GABBR2: variants seen among roughly 807,000 people sequenced by gnomAD.
The protein encoded by GABBR2 is G-protein coupled receptor 51.
In GABBR2, 23 loss-of-function variants were observed where a neutral mutation model predicts 105.6. The observed-to-expected ratio is 0.22, with a 90% confidence interval of 0.16 to 0.31. GABBR2 has a LOEUF of 0.31. GABBR2 is among the 10% of genes least tolerant of loss of function. The probability of loss-of-function intolerance (pLI) is 1.00; values close to 1 mark genes in which losing one functional copy is unlikely to be tolerated. For synonymous variants in GABBR2, 478 were observed against 499.7 expected, an observed-to-expected ratio of 0.96 and a Z score of 0.58; for missense variants, 734 against 1,245.5, an observed-to-expected ratio of 0.59 and a Z score of 6.18.
intron 11 of GABBR2, among the ~76,000 whole-genome samples, chr9:98,380,662 G>T (rs549393415): frequency 4.6e-5 from 7 of 152,350 alleles, no homozygotes; most frequent in African/African-American, 1.7e-4. Flanking sequence ...CTGTTCTCAA[G>T]ACTTGGAGAA....
intron 12 of GABBR2, among the ~76,000 whole-genome samples, chr9:98,365,262 T>C (rs1449243656): frequency 3.3e-5 from 5 of 152,156 alleles, no homozygotes; most frequent in African/African-American, 1.2e-4. Context: ...TAAAATGAGA[T>C]GAGGTATGGA....
At position 98,505,775 on chromosome 9, in the gene GABBR2, A is replaced by G. The variant is rs1827497981; in HGVS notation, c.631-9261T>C. Among the ~76,000 whole-genome samples, 6 of 152,236 alleles carry G rather than the reference A, an allele frequency of 3.9e-5. 1 individual carries two copies. The South Asian group carries it at 1.2e-3, about 32-fold the overall frequency. On this transcript the variant is annotated intron_variant, in intron 3 of 18. Coordinates refer to ENST00000259455, the MANE Select transcript of GABBR2 (RefSeq NM_005458.8). The stretch of plus-strand genomic sequence containing the variant: ...CCGGCAAGGAGCACCTGGAGCCACC[A>G]GAAGCTGGGAGATGCAGGCAAGGAT...
intron 3 of GABBR2, among the ~76,000 whole-genome samples, chr9:98,510,519 G>T (rs992647042): frequency 7.9e-5 from 12 of 151,890 alleles, no homozygotes; most frequent in African/African-American, 2.9e-4. Flanking sequence ...CTGTATTCAG[G>T]AAACCCATCT....
At chr9:98,384,136 AGGCAGGGGACTG>A (rs1348795837) in intron 11 of GABBR2, among the ~76,000 whole-genome samples, 5 of 152,244 alleles carry the variant, frequency 3.3e-5, no homozygotes, top group Non-Finnish European at 7.3e-5. Flanking sequence ...CTGGTCTTCC[AGGCAGGGGACTG>A]GATGAATTAC....
At chr9:98,423,744 A>C (rs1832825888) in intron 7 of GABBR2, among the ~76,000 whole-genome samples, 1 of 152,214 alleles carries the variant, frequency 6.6e-6, no homozygotes, top group South Asian at 2.1e-4. Context: ...TTTAGGTGTA[A>C]CGTTTAAGTC....
intron 6 of GABBR2, among the ~76,000 whole-genome samples, chr9:98,458,521 T>C (rs1826364857): frequency 6.6e-6 from 1 of 152,166 alleles, no homozygotes. Flanking sequence ...CTGGCCAACC[T>C]GGCAAAACCC....
At chr9:98,347,242 T>C (rs1444380176) in intron 13 of GABBR2, among the ~76,000 whole-genome samples, 1 of 152,236 alleles carries the variant, frequency 6.6e-6, no homozygotes, top group Non-Finnish European at 1.5e-5. Context: ...CCAACATTTG[T>C]TACTTTTTGT....
Position 98,454,243 on chromosome 9 carries a change from T to C in GABBR2, c.1000-26A>G, listed in dbSNP as rs1349584933. 6.7e-7 allele frequency: 1 copy of C among 1,501,358 alleles called. No homozygotes were observed. The highest frequency in any genetic ancestry group is 9.3e-7 in the Non-Finnish European group (1 of 1,077,342). 93.0% of individuals were successfully genotyped at this position (1,501,358 alleles called of 1,614,324 possible). A position where few individuals can be genotyped will look rare whatever the true frequency, so the allele number is the denominator to read the frequency against. On this transcript the variant is annotated intron_variant, in intron 6 of 18. Transcript: ENST00000259455. This position sits in a 1 kb window ranked among gnomAD's most constrained non-coding sequence, Gnocchi z 4.6. ...CTGGAAAAACAGGGGATTGGGGGAA[T>C]CCCAAGTTATACTCGGCAGGGACAT...
In GABBR2 at chr9:98,288,950, T is replaced by C. The variant is rs1268005435; in HGVS notation, c.*1634A>G. 2 of 152,650 alleles carry C rather than the reference T, an allele frequency of 1.3e-5. No homozygotes were observed. Among genetic ancestry groups the C allele is most frequent in the South Asian group, 2.1e-4 (1 of 4,834 alleles). The allele number at this position is 152,650 out of a possible 1,614,324, so 9.5% of individuals were successfully genotyped here. A position where few individuals can be genotyped will look rare whatever the true frequency, so the allele number is the denominator to read the frequency against. The stretch of plus-strand genomic sequence containing the variant: ...ATTGCCTGCCTGTTGAAGCTGCCAA[T>C]AGGTTTCTTTAGGGAGTGAGCGAGC... On this transcript the variant is annotated 3_prime_UTR_variant, in exon 19 of 19. Coordinates refer to ENST00000259455, the MANE Select transcript of GABBR2 (RefSeq NM_005458.8).
chr9:98,473,570 G>A (rs1462175686), intron 5 of GABBR2, among the ~76,000 whole-genome samples: 1 of 151,876 alleles, frequency 6.6e-6, no homozygotes, highest in Non-Finnish European at 1.5e-5. Flanking sequence ...AAAACATAAG[G>A]GCCCATAAAA....
intron 13 of GABBR2, among the ~76,000 whole-genome samples, chr9:98,341,915 ACATATGGAG>A (rs1831220518): frequency 6.6e-6 from 1 of 152,226 alleles, no homozygotes; most frequent in Admixed American, 6.5e-5. Flanking sequence ...TTGAAATTGG[ACATATGGAG>A]GCATGGGGAG....
chr9:98,357,889 T>C (rs1831516043), intron 13 of GABBR2, among the ~76,000 whole-genome samples: 1 of 152,190 alleles, frequency 6.6e-6, no homozygotes, highest in Admixed American at 6.5e-5. Context: ...TTGCTACCTA[T>C]GTATGTATCC....
chr9:98,337,914 C>T (rs558966527), intron 13 of GABBR2, among the ~76,000 whole-genome samples: 9 of 152,102 alleles, frequency 5.9e-5, no homozygotes, highest in African/African-American at 1.4e-4. Context: ...CCCAGTTACT[C>T]GGGAGGCTGA....
At chr9:98,389,374 G>A (rs987838892) in intron 9 of GABBR2, among the ~76,000 whole-genome samples, 2 of 152,146 alleles carry the variant, frequency 1.3e-5, no homozygotes, top group Non-Finnish European at 2.9e-5. Flanking sequence ...GGGTGCCTTC[G>A]GGGATGAAGA....
intron 1 of GABBR2, among the ~76,000 whole-genome samples, chr9:98,707,824 G>A (rs1051856475): frequency 1.9e-4 from 29 of 152,340 alleles, no homozygotes; most frequent in Non-Finnish European, 2.5e-4. Context: ...CAGAAGCGCT[G>A]CAGAGCCGGT....
At chr9:98,343,872 A>T (rs1220246389) in intron 13 of GABBR2, among the ~76,000 whole-genome samples, 1 of 152,156 alleles carries the variant, frequency 6.6e-6, no homozygotes, top group Non-Finnish European at 1.5e-5. Context: ...AAAAAAAGAA[A>T]AAAAGAAAAA....
At chr9:98,446,261 T>G (rs1485157216) in intron 7 of GABBR2, among the ~76,000 whole-genome samples, 1 of 152,206 alleles carries the variant, frequency 6.6e-6, no homozygotes, top group Non-Finnish European at 1.5e-5. Context: ...GCCATTTTAA[T>G]AGCAGTAGTA....
At chr9:98,383,957 G>A (rs912818642) in intron 11 of GABBR2, among the ~76,000 whole-genome samples, 1 of 152,192 alleles carries the variant, frequency 6.6e-6, no homozygotes, top group African/African-American at 2.4e-5. Flanking sequence ...TCATCATCCA[G>A]CAGTGGGCAA....
intron 2 of GABBR2, among the ~76,000 whole-genome samples, chr9:98,558,992 T>C (rs1375638791): frequency 6.6e-6 from 1 of 152,260 alleles, no homozygotes; most frequent in Non-Finnish European, 1.5e-5. Flanking sequence ...GGACTCAATT[T>C]GGTTTTTTTT....
Sources: allele counts gnomAD v4.1 joint callset (sites outside exome capture counted in the v4.1 genomes callset), GRCh38; gene constraint gnomAD v4.1.1; non-coding constraint Gnocchi (gnomAD v3.1); transcripts MANE v1.5; gene names NCBI Gene and HGNC (gene_info 2026-07-23, HGNC 2026-07-21).